The following CES3 variants were observed in gnomAD, a reference collection of about 807,000 sequenced individuals.
The protein encoded by CES3 is carboxylesterase 3 (brain).
CES3 carries 49 observed loss-of-function variants against 57.6 expected under a neutral mutation model. The observed-to-expected ratio is 0.85, with a 90% CI of 0.68 to 1.08. The LOEUF is 1.08. CES3 is among the 50% of genes least tolerant of loss of function. The probability of loss-of-function intolerance (pLI) is 0.00; values close to 1 mark genes in which losing one functional copy is unlikely to be tolerated. For missense variants in CES3, 645 were observed against 742.0 expected (o/e 0.87, Z 1.52); for synonymous variants, 266 against 281.6 (o/e 0.94, Z 0.55).
Position 66,963,503 on chromosome 16 carries a change from C to T in CES3, c.300C>T (p.Asp100=), listed in dbSNP as rs373241850. Residue 100 remains aspartate, a synonymous_variant, in exon 3 of 13, where the codon GAC becomes GAT. Transcript: ENST00000303334. The surrounding 1 kb of genome is among the most constrained non-coding windows in gnomAD (Gnocchi z 4.9). ...CCCTTGGCCACAGGTGCCTACAAGACGTGGAGAGCATGAACAGCAGCAGAT... is the reference window on the plus strand; with the variant it reads ...CCCTTGGCCACAGGTGCCTACAAGATGTGGAGAGCATGAACAGCAGCAGAT... ...ASTAPPMCLQ[D]VESMNSSRFV... 74 of 1,613,570 alleles carry T rather than the reference C, an allele frequency of 4.6e-5. No homozygotes were observed. The highest frequency in any genetic ancestry group is 5.8e-5 in the Non-Finnish European group (69 of 1,179,628).
At chr16:66,972,527 T>G (rs755234749) in intron 11 of CES3, 22 bp downstream of exon 11, 6 of 1,608,214 alleles carry the variant, frequency 3.7e-6, no homozygotes, top group Non-Finnish European at 5.1e-6. Context: ...CAGACAGACA[T>G]GTGATCCCTA....
chr16:66,966,597 G>A (rs897851890), intron 7 of CES3, 128 bp from the exon 8 acceptor site: 1 of 1,246,746 alleles, frequency 8.0e-7, no homozygotes, highest in South Asian at 1.4e-5. Flanking sequence ...CTTAACCCTG[G>A]TGATCTTCAT....
At chr16:66,970,973 C>T (rs1963822226) in intron 9 of CES3, among the ~76,000 whole-genome samples, 199 bp from the exon 10 acceptor site, 1 of 152,210 alleles carries the variant, frequency 6.6e-6, no homozygotes, top group Non-Finnish European at 1.5e-5. Flanking sequence ...CACAGCCAAG[C>T]AGTGGTTGCA....
chr16:66,963,495 C>G lies in CES3; in HGVS notation c.292C>G (p.Leu98Val). ...CAGGCCCACCCTTGGCCACAGGTGC[C>G]TACAAGACGTGGAGAGCATGAACAG... Reference protein sequence around the residue: ...RDASTAPPMCLQDVESMNSSR... With the variant: ...RDASTAPPMCVQDVESMNSSR... Residue 98 changes from leucine (L) to valine (V), a missense_variant, in exon 3 of 13, where the codon CTA (leucine) becomes GTA (valine). Leu to Val is a conservative substitution (Grantham distance 32). Transcript: ENST00000303334. The surrounding 1 kb of genome is among the most constrained non-coding windows in gnomAD (Gnocchi z 4.9). 6.2e-7 allele frequency: 1 copy of G among 1,612,062 alleles called. No homozygotes were observed. Among genetic ancestry groups the G allele is most frequent in the Non-Finnish European group, 8.5e-7 (1 of 1,178,274 alleles).
chr16:66,972,275 G>A, intron 10 of CES3, 81 bp from the exon 11 acceptor site: 2 of 1,345,136 alleles, frequency 1.5e-6, no homozygotes, highest in Non-Finnish European at 2.0e-6. Flanking sequence ...GGAAATTGGT[G>A]TTATTATGAG....
Position 66,966,259 on chromosome 16 carries a change from T to C in CES3, c.835T>C (p.Leu279=). The C allele has an allele frequency of 1.2e-6, 2 of 1,613,428 alleles. No individual in the cohort carries two copies. Among genetic ancestry groups the C allele is most frequent in the Non-Finnish European group, 1.7e-6 (2 of 1,179,976 alleles). ...TTGTCCCCAGAAAATCGCAAACACC[T>C]TGGCCTGCAGCTCCAGCTCCCCGGC... The part of the protein sequence containing the change: ...WPLAQKIANT[L]ACSSSSPAEM... The change falls in exon 7 of 13, where the codon TTG becomes CTG. Residue 279 remains leucine (L), a synonymous_variant. Coordinates refer to ENST00000303334, the MANE Select transcript of CES3 (RefSeq NM_024922.6).
Position 66,971,269 on chromosome 16 carries a change from G to T in CES3, c.1241G>T (p.Gly414Val). The T allele has an allele frequency of 1.9e-6, 3 of 1,614,168 alleles. No individual in the cohort carries two copies. Among genetic ancestry groups the T allele is most frequent in the Non-Finnish European group, 2.5e-6 (3 of 1,180,014 alleles). ...AKCQAFQEFM[G>V]DVFINVPTVS... ...TGCCAGGCGTTCCAGGAATTCATGG[G>T]TGACGTATTCATCAATGTTCCCACC... The change falls in exon 10 of 13, where the codon GGT becomes GTT. Residue 414 changes from glycine (G) to valine (V), a missense_variant. Coordinates refer to ENST00000303334, the MANE Select transcript of CES3 (RefSeq NM_024922.6).
chr16:66,972,819 G>A, intron 12 of CES3, 35 bp from the exon 13 acceptor site: 1 of 1,613,916 alleles, frequency 6.2e-7, no homozygotes, highest in Non-Finnish European at 8.5e-7. Flanking sequence ...GGACAGCACA[G>A]GAAGCCTTGG....
chr16:66,966,270 C>T lies in CES3; in HGVS notation c.846C>T (p.Ser282=), dbSNP rs1298163390. The change falls in exon 7 of 13, where the codon AGC becomes AGT. Residue 282 remains serine, a synonymous_variant. Coordinates refer to ENST00000303334, the MANE Select transcript of CES3 (RefSeq NM_024922.6). ...AAATCGCAAACACCTTGGCCTGCAG[C>T]TCCAGCTCCCCGGCTGAGATGGTGC... ...AQKIANTLAC[S]SSSPAEMVQC... 6.2e-7 allele frequency: 1 copy of T among 1,613,590 alleles called. No homozygotes were observed. The highest frequency in any genetic ancestry group is 1.3e-5 in the African/African-American group (1 of 74,934).
In CES3 at chr16:66,963,565, C is replaced by T; in HGVS notation, c.362C>T (p.Ser121Leu). Residue 121 changes from serine to leucine, a missense_variant, in exon 3 of 13, where the codon TCA (serine) becomes TTA (leucine). Ser to Leu is a moderately radical substitution (Grantham distance 145, BLOSUM62 -2). Transcript: ENST00000303334. This position sits in a 1 kb window ranked among gnomAD's most constrained non-coding sequence, Gnocchi z 4.9. ...LNGKQQIFSVSEDCLVLNVYS... is the reference protein window; with the variant it reads ...LNGKQQIFSVLEDCLVLNVYS... ...GGAAAACAGCAGATCTTCTCCGTTT[C>T]AGAGGACTGCCTGGTCCTCAACGTC... The T allele has an allele frequency of 6.2e-7, 1 of 1,614,216 alleles. No individual in the cohort carries two copies. The highest frequency in any genetic ancestry group is 1.1e-5 in the South Asian group (1 of 91,086).
At chr16:66,965,311 T>C (rs1219468290) in intron 6 of CES3, among the ~76,000 whole-genome samples, 1 of 152,134 alleles carries the variant, frequency 6.6e-6, no homozygotes, top group Non-Finnish European at 1.5e-5. Flanking sequence ...TTGAGCTACC[T>C]GGAGTAGAAG....
intron 10 of CES3, 118 bp downstream of exon 10, chr16:66,971,437 C>T: frequency 1.1e-6 from 1 of 927,034 alleles, no homozygotes; most frequent in South Asian, 1.6e-5. Flanking sequence ...ACCCCACACC[C>T]CACTGCCCCC....
At chr16:66,962,868 GCTT>G (rs1171455314) in intron 1 of CES3, among the ~76,000 whole-genome samples, 1 of 152,110 alleles carries the variant, frequency 6.6e-6, no homozygotes, top group Non-Finnish European at 1.5e-5. Context: ...CTGCACTCCA[GCTT>G]GGTCAACAGA....
At chr16:66,968,862 C>T (rs1038741832) in intron 8 of CES3, among the ~76,000 whole-genome samples, 1 of 151,948 alleles carries the variant, frequency 6.6e-6, no homozygotes, top group South Asian at 2.1e-4. Flanking sequence ...TGCAGTGAGC[C>T]GAGACTGTCC....
chr16:66,963,670 A>ACTATGC lies in CES3; in HGVS notation c.426+45_426+50dup. ...GGCCCTGTCCACCTGATCCAGCTCC[A>ACTATGC]CTATGCCTACCTGTCCCCTCCCCGT... On this transcript the variant is annotated intron_variant, in intron 3 of 12. Transcript: ENST00000303334. The surrounding 1 kb of genome is among the most constrained non-coding windows in gnomAD (Gnocchi z 4.9). The ACTATGC allele has an allele frequency of 6.2e-7, 1 of 1,613,576 alleles. No homozygotes were observed. The highest frequency in any genetic ancestry group is 8.5e-7 in the Non-Finnish European group (1 of 1,179,960).
chr16:66,966,180 C>A, intron 6 of CES3, 64 bp from the exon 7 acceptor site: 1 of 1,448,834 alleles, frequency 6.9e-7, no homozygotes, highest in Non-Finnish European at 9.6e-7. Flanking sequence ...CTGTGGGAGG[C>A]AGAAGGCTGC....
chr16:66,970,467 G>A (rs150102576), intron 9 of CES3, among the ~76,000 whole-genome samples: 1 of 152,340 alleles, frequency 6.6e-6, no homozygotes, highest in African/African-American at 2.4e-5. Flanking sequence ...GGAAACTGAG[G>A]CTTGAGGTGT....
rs528517357 is a variant in CES3, at chr16:66,963,317, G to A, written c.221G>A (p.Arg74Gln). ...PFAQPPLGPD[R>Q]FSAPHPAQPW... is the part of the protein sequence containing the mutation. Reference sequence around the variant, plus strand: ...GCCCAGCCGCCACTGGGCCCTGACCGGTTCTCAGCCCCACACCCAGCACAG... The same window carrying A: ...GCCCAGCCGCCACTGGGCCCTGACCAGTTCTCAGCCCCACACCCAGCACAG... Residue 74 changes from arginine (R) to glutamine (Q), a missense_variant, in exon 2 of 13, where the codon CGG becomes CAG. Transcript: ENST00000303334. The surrounding 1 kb of genome is among the most constrained non-coding windows in gnomAD (Gnocchi z 4.9). 2.1e-5 allele frequency: 34 copies of A among 1,613,710 alleles called. No homozygotes were observed. Among genetic ancestry groups the A allele is most frequent in the Admixed American group, 1.0e-4 (6 of 60,020 alleles).
At chr16:66,962,643 T>C (rs989225863) in intron 1 of CES3, among the ~76,000 whole-genome samples, 2 of 152,202 alleles carry the variant, frequency 1.3e-5, no homozygotes, top group African/African-American at 4.8e-5. Context: ...ATGCCTGTAA[T>C]GCCAGCACTT....
Sources: allele counts gnomAD v4.1 joint callset (sites outside exome capture counted in the v4.1 genomes callset), GRCh38; gene constraint gnomAD v4.1.1; non-coding constraint Gnocchi (gnomAD v3.1); transcripts MANE v1.5; gene names NCBI Gene and HGNC (gene_info 2026-07-23, HGNC 2026-07-21).